Variants in SRD5A2 observed in about 807,000 individuals in gnomAD.
The protein encoded by SRD5A2 is 3-oxo-5-alpha-steroid 4-dehydrogenase 2.
In SRD5A2, 30 loss-of-function variants were observed where a neutral mutation model predicts 27.4. That is an observed-to-expected ratio of 1.10 (90% CI 0.82 to 1.49). SRD5A2 has a LOEUF of 1.49. Ranked by LOEUF, SRD5A2 falls within the 40% of genes most tolerant of loss-of-function variation. The probability of loss-of-function intolerance (pLI) is 0.00; values close to 1 mark genes in which losing one functional copy is unlikely to be tolerated. For missense variants in SRD5A2, 348 were observed against 323.4 expected (o/e 1.08, Z -0.58); for synonymous variants, 141 against 133.6 (o/e 1.06, Z -0.38).
the SRD5A2 span, among the ~76,000 whole-genome samples, chr2:31,642,990 A>C: frequency 6.6e-6 from 1 of 152,088 alleles, no homozygotes; most frequent in Non-Finnish European, 1.5e-5. Flanking sequence ...ACGGTGGAAA[A>C]AAAAAGATCA....
the SRD5A2 span, among the ~76,000 whole-genome samples, chr2:31,643,911 T>C: frequency 6.6e-6 from 1 of 152,206 alleles, no homozygotes; most frequent in South Asian, 2.1e-4. Context: ...TATAGAAGGA[T>C]AGAATTAGAA....
chr2:31,546,677 C>G (rs1256178612), intron 1 of SRD5A2, among the ~76,000 whole-genome samples: 1 of 152,150 alleles, frequency 6.6e-6, no homozygotes, highest in Non-Finnish European at 1.5e-5. Flanking sequence ...TGAAAAACTA[C>G]CAGTTGGCTA....
At chr2:31,659,842 A>G in the SRD5A2 span, among the ~76,000 whole-genome samples, 1 of 152,114 alleles carries the variant, frequency 6.6e-6, no homozygotes, top group Non-Finnish European at 1.5e-5. Context: ...TTAAAAAGAA[A>G]TAAAAAATGG....
chr2:31,639,666 G>A, the SRD5A2 span, among the ~76,000 whole-genome samples: 3 of 151,344 alleles, frequency 2.0e-5, no homozygotes, highest in Admixed American at 2.0e-4. Context: ...CTAAAATGTT[G>A]TTCCACTCCC....
At chr2:31,615,227 A>G in the SRD5A2 span, among the ~76,000 whole-genome samples, 1 of 152,200 alleles carries the variant, frequency 6.6e-6, no homozygotes, top group Admixed American at 6.5e-5. Flanking sequence ...AAAAATGTGG[A>G]AGTGACTTTA....
At chr2:31,567,456 G>GTGTGTGTATATA (rs143408801) in intron 1 of SRD5A2, among the ~76,000 whole-genome samples, 46 of 140,304 alleles carry the variant, frequency 3.3e-4, no homozygotes, top group African/African-American at 6.1e-4. Flanking sequence ...GTGTGTGTGT[G>GTGTGTGTATATA]TATATATATA....
At chr2:31,550,382 T>G (rs1666359115) in intron 1 of SRD5A2, among the ~76,000 whole-genome samples, 1 of 151,090 alleles carries the variant, frequency 6.6e-6, no homozygotes, top group Admixed American at 6.6e-5. Flanking sequence ...TTATAAAGCT[T>G]GTATTACCCT....
chr2:31,583,651 C>CAAAAAAAAAAAAAA (rs1558379512), upstream of SRD5A2, among the ~76,000 whole-genome samples: 4 of 66,514 alleles, frequency 6.0e-5, no homozygotes, highest in African/African-American at 2.6e-4. Flanking sequence ...AAAAAAAAAA[C>CAAAAAAAAAAAAAA]CAAAAAAAAA....
At chr2:31,600,946 A>C in the SRD5A2 span, among the ~76,000 whole-genome samples, 6 of 151,852 alleles carry the variant, frequency 4.0e-5, no homozygotes, top group African/African-American at 1.2e-4. Context: ...TGAAGGACAA[A>C]AATGATATGA....
intron 1 of SRD5A2, among the ~76,000 whole-genome samples, chr2:31,538,502 C>T (rs1666069689): frequency 6.6e-6 from 1 of 152,172 alleles, no homozygotes; most frequent in South Asian, 2.1e-4. Context: ...TTTACTCCAC[C>T]GCAATCTATT....
the SRD5A2 span, among the ~76,000 whole-genome samples, chr2:31,611,172 T>C: frequency 1.3e-5 from 2 of 152,078 alleles, no homozygotes; most frequent in African/African-American, 4.8e-5. Context: ...AGACATACAC[T>C]TTCAGATGAT....
upstream of SRD5A2, among the ~76,000 whole-genome samples, chr2:31,582,162 C>T (rs1667094801): frequency 6.6e-6 from 1 of 152,186 alleles, no homozygotes; most frequent in Non-Finnish European, 1.5e-5. Flanking sequence ...CACCCCAGTC[C>T]TTCTCATTTT....
chr2:31,604,962 C>T, the SRD5A2 span, among the ~76,000 whole-genome samples: 4 of 151,586 alleles, frequency 2.6e-5, no homozygotes, highest in Admixed American at 2.0e-4. Context: ...ACACAGAGAC[C>T]AATGGAATGG....
At chr2:31,648,841 G>A in the SRD5A2 span, among the ~76,000 whole-genome samples, 2 of 152,132 alleles carry the variant, frequency 1.3e-5, no homozygotes, top group African/African-American at 4.8e-5. Flanking sequence ...AATATGCTTT[G>A]TCCTCTGAGT....
At chr2:31,583,652 C>CAAAAAAAAAAAAAAA (rs1352139998), upstream of SRD5A2, among the ~76,000 whole-genome samples, 5 of 20,922 alleles carry the variant, frequency 2.4e-4, 1 homozygote, top group African/African-American at 6.7e-4. Context: ...AAAAAAAAAC[C>CAAAAAAAAAAAAAAA]AAAAAAAAAG....
chr2:31,610,965 C>G, the SRD5A2 span, among the ~76,000 whole-genome samples: 1 of 151,972 alleles, frequency 6.6e-6, no homozygotes, highest in Non-Finnish European at 1.5e-5. Flanking sequence ...AAAAATTAGC[C>G]AGGCCTGGTG....
At position 31,571,163 on chromosome 2, in the gene SRD5A2, C is replaced by T. The variant is rs371304867; in HGVS notation, c.281+9457G>A. On this transcript the variant is annotated intron_variant, in intron 1 of 4. Transcript: ENST00000622030. Reference sequence around the variant, plus strand: ...TAACCAAAACAGCGTGGCACTGGTACAAAAACAGACATATAGACCAATGGA... The same window carrying T: ...TAACCAAAACAGCGTGGCACTGGTATAAAAACAGACATATAGACCAATGGA... Among the ~76,000 whole-genome samples, 15 of 152,214 alleles carry T rather than the reference C, an allele frequency of 9.9e-5. No homozygotes were observed. In the East Asian group the frequency reaches 2.1e-3, roughly 22 times the overall value.
In SRD5A2 at chr2:31,531,359, G is replaced by A. The variant is rs1287984657; in HGVS notation, c.547+12C>T. 6.4e-7 allele frequency: 1 copy of A among 1,554,866 alleles called. No individual in the cohort carries two copies. The highest frequency in any genetic ancestry group is 1.4e-5 in the African/African-American group (1 of 73,738). On this transcript the variant is annotated intron_variant, in intron 3 of 4. Coordinates refer to ENST00000622030, the MANE Select transcript of SRD5A2 (RefSeq NM_000348.4). ...GGGAAGAGTGAGAGTCTGGGGGCAGGGGAGACATTACCTTGTGGAATCCTG... is the reference window on the plus strand; with the variant it reads ...GGGAAGAGTGAGAGTCTGGGGGCAGAGGAGACATTACCTTGTGGAATCCTG...
At chr2:31,642,808 A>G in the SRD5A2 span, among the ~76,000 whole-genome samples, 2 of 152,054 alleles carry the variant, frequency 1.3e-5, no homozygotes, top group African/African-American at 4.8e-5. Context: ...TGTATTCTAT[A>G]TATTCCAACA....
Sources: allele counts gnomAD v4.1 joint callset (sites outside exome capture counted in the v4.1 genomes callset), GRCh38; gene constraint gnomAD v4.1.1; transcripts MANE v1.5; gene names NCBI Gene and HGNC (gene_info 2026-07-23, HGNC 2026-07-21).